The following OR2T1 variants were observed in gnomAD, a reference collection of about 807,000 sequenced individuals.
OR2T1 encodes the protein olfactory receptor family 2 subfamily T member 1.
For synonymous variants in OR2T1, 186 were observed against 145.4 expected, an observed-to-expected ratio of 1.28 and a Z score of -2.01; for missense variants, 440 against 390.2, an observed-to-expected ratio of 1.13 and a Z score of -1.07.
At chr1:248,404,206 G>A (rs530311690) in intron 1 of OR2T1, among the ~76,000 whole-genome samples, 1 of 152,244 alleles carries the variant, frequency 6.6e-6, no homozygotes, top group Non-Finnish European at 1.5e-5. Flanking sequence ...GTGTGTGTGT[G>A]TGTGTATAAA....
rs908703276 is a variant in OR2T1, at chr1:248,406,747, G to C, written c.600G>C (p.Val200=). ...CCCTCTACGAGACAGTGATGTATGT[G>C]TGCTGTGTTTTGATGCTGCTGATTC... The part of the protein sequence containing the change: ...DTALYETVMY[V]CCVLMLLIPF... The change falls in exon 2 of 2, where the codon GTG becomes GTC. Residue 200 remains valine, a synonymous_variant. Transcript: ENST00000642005. The C allele has an allele frequency of 2.5e-6, 4 of 1,614,074 alleles. No individual in the cohort carries two copies. In the African/African-American group the frequency reaches 4.0e-5, roughly 16 times the overall value.
At chr1:248,404,559 T>TATATATATAA (rs1398186835) in intron 1 of OR2T1, among the ~76,000 whole-genome samples, 1 of 149,320 alleles carries the variant, frequency 6.7e-6, no homozygotes, top group African/African-American at 2.4e-5. Flanking sequence ...TATATATATA[T>TATATATATAA]AAAATATACA....
chr1:248,405,326 AATAATCAGTGAATT>A (rs1470058444), intron 1 of OR2T1, among the ~76,000 whole-genome samples: 1 of 152,178 alleles, frequency 6.6e-6, no homozygotes, highest in East Asian at 1.9e-4. Flanking sequence ...AATTTCCAAA[AATAATCAGTGAATT>A]ATAGCTCAAT....
At chr1:248,405,062 T>A (rs1661526526) in intron 1 of OR2T1, among the ~76,000 whole-genome samples, 1 of 152,190 alleles carries the variant, frequency 6.6e-6, no homozygotes, top group Non-Finnish European at 1.5e-5. Flanking sequence ...AATAGCAACT[T>A]CTTTTTCTGG....
At position 248,406,675 on chromosome 1, in the gene OR2T1, C is replaced by A. The variant is rs1237913817; in HGVS notation, c.528C>A (p.Phe176Leu). Residue 176 changes from phenylalanine to leucine, a missense_variant, in exon 2 of 2, where the codon TTC (phenylalanine) becomes TTA (leucine). By Grantham distance (22) the Phe-to-Leu change is conservative (BLOSUM62 0). Coordinates refer to ENST00000642005, the MANE Select transcript of OR2T1 (RefSeq NM_030904.2). ...GCAATTCCCGGGAGATTAACCACTTCTTCTGTGAGGCACCAGCAGTCCTGA... is the reference window on the plus strand; with the variant it reads ...GCAATTCCCGGGAGATTAACCACTTATTCTGTGAGGCACCAGCAGTCCTGA... Reference protein sequence around the residue: ...PFCNSREINHFFCEAPAVLKL... With the variant: ...PFCNSREINHLFCEAPAVLKL... 1 of 1,614,034 alleles carries A rather than the reference C, an allele frequency of 6.2e-7. No homozygotes were observed. The highest frequency in any genetic ancestry group is 8.5e-7 in the Non-Finnish European group (1 of 1,180,006).
rs1183763830 is a variant in OR2T1 at position 248,407,409 on chromosome 1, A to T, written c.*305A>T. The T allele has an allele frequency of 2.9e-6, 1 of 343,022 alleles. No homozygotes were observed. 21.2% of individuals were successfully genotyped at this position (343,022 alleles called of 1,614,324 possible). A position where few individuals can be genotyped will look rare whatever the true frequency, so the allele number is the denominator to read the frequency against. On this transcript the variant is annotated 3_prime_UTR_variant, in exon 2 of 2. Coordinates refer to ENST00000642005, the MANE Select transcript of OR2T1 (RefSeq NM_030904.2). The stretch of plus-strand genomic sequence containing the variant: ...CCCCGCTTTTGGTCACAAAGAAATT[A>T]TCTGACTACCTTGTCTGACTGTATG...
At position 248,406,508 on chromosome 1, in the gene OR2T1, C is replaced by T. The variant is rs369905309; in HGVS notation, c.361C>T (p.Arg121Cys). 7.0e-5 allele frequency: 113 copies of T among 1,614,134 alleles called. No homozygotes were observed. Among genetic ancestry groups the T allele is most frequent in the South Asian group, 3.2e-4 (29 of 91,076 alleles). ...CCTGCTGGGCCTCATGGCCTATGAC[C>T]GCTATGTGGCCATTTGCAACCCTCT... ...FFLLGLMAYDRYVAICNPLRY... is the reference protein window; with the variant it reads ...FFLLGLMAYDCYVAICNPLRY... The change falls in exon 2 of 2, where the codon CGC becomes TGC. Residue 121 changes from arginine to cysteine, a missense_variant. By Grantham distance (180) the Arg-to-Cys change is radical (BLOSUM62 -3). Transcript: ENST00000642005.
chr1:248,404,092 C>T (rs1661488890), intron 1 of OR2T1, among the ~76,000 whole-genome samples: 1 of 30,200 alleles, frequency 3.3e-5, no homozygotes, highest in African/African-American at 1.1e-4. Flanking sequence ...ATAAAACAGT[C>T]CCTCAGTTTT....
rs1661545847 is a variant in OR2T1, at chr1:248,406,002, A to C, written c.-33-113A>C. On this transcript the variant is annotated intron_variant, in intron 1 of 1. Transcript: ENST00000642005. ...TGCTAGATATCAGTCTCAATGTGGC[A>C]AGAATACTATTTTTTAAATGTTTTC... 3 of 1,604,992 alleles carry C rather than the reference A, an allele frequency of 1.9e-6. No homozygotes were observed. In the Admixed American group the frequency reaches 5.1e-5, roughly 27 times the overall value.
Position 248,406,374 on chromosome 1 carries a change from T to C in OR2T1, c.227T>C (p.Ile76Thr), listed in dbSNP as rs1661556839. ...SLIDMMYIST[I>T]VPKMLVNYLL... ...ATTGACATGATGTATATTTCCACTATTGTGCCTAAGATGCTGGTTAATTAC... is the reference window on the plus strand; with the variant it reads ...ATTGACATGATGTATATTTCCACTACTGTGCCTAAGATGCTGGTTAATTAC... The change falls in exon 2 of 2, where the codon ATT becomes ACT. Residue 76 changes from isoleucine (I) to threonine (T), a missense_variant. Transcript: ENST00000642005. The C allele has an allele frequency of 2.5e-6, 4 of 1,614,142 alleles. No homozygotes were observed. The highest frequency in any genetic ancestry group is 3.4e-6 in the Non-Finnish European group (4 of 1,180,000).
rs139179714 is a variant in OR2T1, at chr1:248,406,429, G to T, written c.282G>T (p.Val94=). Residue 94 remains valine, a synonymous_variant, in exon 2 of 2, where the codon GTG becomes GTT. Transcript: ENST00000642005. ...YLLDQRTISF[V]GCTAQHFLYL... Reference sequence around the variant, plus strand: ...TGGATCAAAGGACCATTTCCTTTGTGGGGTGCACAGCTCAACACTTCCTCT... The same window carrying T: ...TGGATCAAAGGACCATTTCCTTTGTTGGGTGCACAGCTCAACACTTCCTCT... 34 of 1,614,138 alleles carry T rather than the reference G, an allele frequency of 2.1e-5. No homozygotes were observed. The African/African-American group carries it at 4.3e-4, about 20-fold the overall frequency.
At position 248,404,406 on chromosome 1, in the gene OR2T1, A is replaced by T. The variant is rs373516803; in HGVS notation, c.-34+1161A>T. 3.0e-4 allele frequency among the ~76,000 whole-genome samples: 45 copies of T among 152,136 alleles called. No homozygotes were observed. The East Asian group carries it at 6.6e-3, about 22-fold the overall frequency. ...AAACTGGAGAGGAGTTTCCCTTTAG[A>T]AATATATTTTTATAGGTTCCATTAA... On this transcript the variant is annotated intron_variant, in intron 1 of 1. Coordinates refer to ENST00000642005, the MANE Select transcript of OR2T1 (RefSeq NM_030904.2).
At position 248,406,666 on chromosome 1, in the gene OR2T1, T is replaced by C; in HGVS notation, c.519T>C (p.Ile173=). ...MSFPFCNSRE[I]NHFFCEAPAV... is the part of the protein sequence containing the mutation. ...TTCCCTTCTGCAATTCCCGGGAGAT[T>C]AACCACTTCTTCTGTGAGGCACCAG... Residue 173 remains isoleucine (I), a synonymous_variant, in exon 2 of 2, where the codon ATT becomes ATC. Transcript: ENST00000642005. 1 of 1,614,100 alleles carries C rather than the reference T, an allele frequency of 6.2e-7. No individual in the cohort carries two copies. The highest frequency in any genetic ancestry group is 8.5e-7 in the Non-Finnish European group (1 of 1,179,994).
At position 248,407,434 on chromosome 1, in the gene OR2T1, G is replaced by A. The variant is rs1327398715; in HGVS notation, c.*330G>A. The A allele has an allele frequency of 3.5e-6, 1 of 288,766 alleles. No homozygotes were observed. Among genetic ancestry groups the A allele is most frequent in the Non-Finnish European group, 6.4e-6 (1 of 156,792 alleles). 17.9% of individuals were successfully genotyped at this position (288,766 alleles called of 1,614,324 possible). ...ATCTGACTACCTTGTCTGACTGTAT[G>A]TCATAAGACCTCTGTTTCAAAAGAG... On this transcript the variant is annotated 3_prime_UTR_variant, in exon 2 of 2. Transcript: ENST00000642005.
intron 1 of OR2T1, among the ~76,000 whole-genome samples, chr1:248,404,548 A>T (rs1355305572): frequency 1.3e-5 from 2 of 148,326 alleles, no homozygotes; most frequent in East Asian, 4.2e-4. Flanking sequence ...AATATACATT[A>T]TATATATATA....
chr1:248,404,104 C>A (rs1395411949), intron 1 of OR2T1, among the ~76,000 whole-genome samples: 1 of 10,494 alleles, frequency 9.5e-5, no homozygotes, highest in Non-Finnish European at 2.4e-4. Context: ...CTCAGTTTTT[C>A]TTAATTGCCA....
chr1:248,404,468 G>T (rs1230377442), intron 1 of OR2T1, among the ~76,000 whole-genome samples: 1 of 150,458 alleles, frequency 6.6e-6, no homozygotes, highest in Admixed American at 6.8e-5. Flanking sequence ...GAGGTTGTAA[G>T]TAATGATGAC....
chr1:248,407,415 C>G lies in OR2T1; in HGVS notation c.*311C>G. 3.0e-6 allele frequency: 1 copy of G among 332,224 alleles called. No individual in the cohort carries two copies. Among genetic ancestry groups the G allele is most frequent in the Non-Finnish European group, 5.4e-6 (1 of 184,086 alleles). 20.6% of individuals were successfully genotyped at this position (332,224 alleles called of 1,614,324 possible). A position where few individuals can be genotyped will look rare whatever the true frequency, so the allele number is the denominator to read the frequency against. ...TTTTGGTCACAAAGAAATTATCTGACTACCTTGTCTGACTGTATGTCATAA... is the reference window on the plus strand; with the variant it reads ...TTTTGGTCACAAAGAAATTATCTGAGTACCTTGTCTGACTGTATGTCATAA... On this transcript the variant is annotated 3_prime_UTR_variant, in exon 2 of 2. Coordinates refer to ENST00000642005, the MANE Select transcript of OR2T1 (RefSeq NM_030904.2).
At position 248,406,160 on chromosome 1, in the gene OR2T1, A is replaced by G. The variant is rs531047672; in HGVS notation, c.13A>G (p.Asn5Asp). 483 of 1,614,084 alleles carry G rather than the reference A, an allele frequency of 3.0e-4. 10 individuals carry two copies. The South Asian group carries it at 4.9e-3, about 16-fold the overall frequency. MEEY[N>D]TSSTDFTFMG... The stretch of plus-strand genomic sequence containing the variant: ...AACTGTAGGATCAATGGAAGAGTAC[A>G]ACACATCCTCTACAGACTTCACTTT... The change falls in exon 2 of 2, where the codon AAC becomes GAC. Residue 5 changes from asparagine (N) to aspartate (D), a missense_variant. Asn to Asp is a conservative substitution (Grantham distance 23). Transcript: ENST00000642005.
Sources: gnomAD v4.1 joint callset for allele counts (sites outside exome capture counted in the v4.1 genomes callset) on GRCh38, gnomAD v4.1.1 for gene constraint, MANE v1.5 for transcripts, NCBI Gene and HGNC (gene_info 2026-07-23, HGNC 2026-07-21) for gene names.